The following PARVA variants were observed in gnomAD, a reference collection of about 807,000 sequenced individuals.
The protein encoded by PARVA is parvin alpha.
A neutral mutation model predicts 52.6 loss-of-function variants in PARVA; 25 were observed. The observed-to-expected ratio is 0.48, with a 90% CI of 0.35 to 0.66. The LOEUF (loss-of-function observed/expected upper bound fraction) is 0.66, where lower values mean the gene tolerates loss of function less well. Ranked by LOEUF, PARVA falls within the 30% of genes least tolerant of loss-of-function variation. PARVA has a pLI of 0.01. For synonymous variants in PARVA, 185 were observed against 179.1 expected (o/e 1.03, Z -0.26); for missense variants, 373 against 450.9 (o/e 0.83, Z 1.56).
At chr11:12,476,608 G>A (rs1051939999) in intron 3 of PARVA, among the ~76,000 whole-genome samples, 5 of 151,966 alleles carry the variant, frequency 3.3e-5, no homozygotes, top group Non-Finnish European at 5.9e-5. Context: ...CTCTCTCATA[G>A]CACCATGTCC....
Position 12,448,087 on chromosome 11 carries a change from T to C in PARVA, c.137-25658T>C, listed in dbSNP as rs1462253518. Among the ~76,000 whole-genome samples the C allele has an allele frequency of 3.3e-5, 5 of 152,208 alleles. No homozygotes were observed. In the East Asian group the frequency reaches 9.6e-4, roughly 29 times the overall value. ...GGAGGTGCTCAATTTATAATGTGTA[T>C]AAATTACAATTGAATCACGTGCAGG... On this transcript the variant is annotated intron_variant, in intron 1 of 12. Transcript: ENST00000334956.
intron 1 of PARVA, among the ~76,000 whole-genome samples, chr11:12,443,170 T>TC (rs1940493464): frequency 8.2e-5 from 2 of 24,406 alleles, no homozygotes; most frequent in Non-Finnish European, 4.1e-4. Context: ...GCCCCCCTTC[T>TC]TTTTTTTTTT....
chr11:12,514,507 G>A (rs1158872138), intron 10 of PARVA, among the ~76,000 whole-genome samples: 8 of 152,168 alleles, frequency 5.3e-5, no homozygotes, highest in African/African-American at 1.9e-4. Context: ...TGTTTTTTGA[G>A]ATAGAGTTTC....
At chr11:12,473,454 C>G (rs1940960461) in intron 1 of PARVA, among the ~76,000 whole-genome samples, 1 of 152,138 alleles carries the variant, frequency 6.6e-6, no homozygotes, top group Non-Finnish European at 1.5e-5. Flanking sequence ...CACCTCGCTT[C>G]CATTCATTCC....
At chr11:12,427,002 T>A (rs919073056) in intron 1 of PARVA, among the ~76,000 whole-genome samples, 6 of 152,188 alleles carry the variant, frequency 3.9e-5, no homozygotes, top group African/African-American at 1.4e-4. Flanking sequence ...CTTTGAAGTC[T>A]CATTTTAAAG....
chr11:12,414,056 G>A (rs4375421), intron 1 of PARVA, among the ~76,000 whole-genome samples: 41,988 of 152,044 alleles, frequency 0.28, 6,034 homozygotes, highest in Non-Finnish European at 0.32. Flanking sequence ...CACGGCAGCC[G>A]TGCGTGGCAC....
intron 1 of PARVA, among the ~76,000 whole-genome samples, chr11:12,389,634 C>T (rs893961297): frequency 6.6e-6 from 1 of 152,192 alleles, no homozygotes; most frequent in African/African-American, 2.4e-5. Flanking sequence ...CCCCTCCCAC[C>T]CATTTCCCCT....
At chr11:12,434,046 G>A (rs769178969) in intron 1 of PARVA, among the ~76,000 whole-genome samples, 24 of 152,118 alleles carry the variant, frequency 1.6e-4, no homozygotes, top group Non-Finnish European at 3.2e-4. Context: ...GCCTTACCTC[G>A]ATGGCTCAGG....
chr11:12,439,594 G>C (rs1420481472), intron 1 of PARVA, among the ~76,000 whole-genome samples: 2 of 152,282 alleles, frequency 1.3e-5, no homozygotes, highest in East Asian at 3.9e-4. Context: ...TTGAGACCTT[G>C]TTTGGATCTC....
At chr11:12,492,827 T>C (rs1030770683) in intron 4 of PARVA, among the ~76,000 whole-genome samples, 8 of 131,500 alleles carry the variant, frequency 6.1e-5, no homozygotes, top group Admixed American at 1.8e-4. Flanking sequence ...AATCAATTAG[T>C]AATACATACA....
At chr11:12,442,935 C>T (rs1369161825) in intron 1 of PARVA, among the ~76,000 whole-genome samples, 1 of 148,244 alleles carries the variant, frequency 6.7e-6, no homozygotes, top group East Asian at 2.1e-4. Context: ...GATTTTGGCT[C>T]ACTGCAAGTT....
chr11:12,455,672 G>T (rs1040890369), intron 1 of PARVA, among the ~76,000 whole-genome samples: 2 of 152,104 alleles, frequency 1.3e-5, no homozygotes, highest in Admixed American at 6.5e-5. Context: ...TCTCCAAGGA[G>T]CTCTGATTGC....
At chr11:12,429,029 G>C (rs1176110180) in intron 1 of PARVA, among the ~76,000 whole-genome samples, 1 of 152,164 alleles carries the variant, frequency 6.6e-6, no homozygotes, top group African/African-American at 2.4e-5. Flanking sequence ...CTAGGCTGGA[G>C]TGCAGCAGTG....
chr11:12,482,454 C>T (rs953535317), intron 4 of PARVA, among the ~76,000 whole-genome samples: 1 of 151,888 alleles, frequency 6.6e-6, no homozygotes, highest in Admixed American at 6.6e-5. Context: ...GTGAAACCCC[C>T]ATCTCTACTA....
intron 4 of PARVA, among the ~76,000 whole-genome samples, chr11:12,495,514 C>T (rs1439523967): frequency 6.6e-6 from 1 of 152,072 alleles, no homozygotes; most frequent in Non-Finnish European, 1.5e-5. Context: ...GGGTGAGTTC[C>T]AGTGGTAGGC....
At chr11:12,390,079 G>T (rs1003769851) in intron 1 of PARVA, among the ~76,000 whole-genome samples, 4 of 152,150 alleles carry the variant, frequency 2.6e-5, no homozygotes, top group African/African-American at 9.7e-5. Context: ...AACTACCAAG[G>T]GGCTTGGCTG....
intron 7 of PARVA, among the ~76,000 whole-genome samples, chr11:12,509,929 A>C (rs1941485506): frequency 6.6e-6 from 1 of 152,226 alleles, no homozygotes; most frequent in Non-Finnish European, 1.5e-5. Flanking sequence ...CTGGGAAAGA[A>C]GACGACAGAG....
intron 4 of PARVA, 26 bp downstream of exon 4, chr11:12,477,975 A>T (rs1437373320): frequency 8.0e-7 from 1 of 1,244,624 alleles, no homozygotes; most frequent in Non-Finnish European, 1.2e-6. Flanking sequence ...GCTGCAATGG[A>T]TGTGTGTTTA....
chr11:12,482,230 C>T (rs1941097970), intron 4 of PARVA, among the ~76,000 whole-genome samples: 1 of 150,960 alleles, frequency 6.6e-6, no homozygotes, highest in African/African-American at 2.4e-5. Flanking sequence ...CATTGTGGAG[C>T]AAAGACCCAG....
Sources: gnomAD v4.1 joint callset for allele counts (sites outside exome capture counted in the v4.1 genomes callset) on GRCh38, gnomAD v4.1.1 for gene constraint, MANE v1.5 for transcripts, NCBI Gene and HGNC (gene_info 2026-07-23, HGNC 2026-07-21) for gene names.